The following ERC2 variants were observed in gnomAD, a reference collection of about 807,000 sequenced individuals.
The protein encoded by ERC2 is ERC protein 2.
In ERC2, 42 loss-of-function variants were observed where a neutral mutation model predicts 114.8. That is an observed-to-expected ratio of 0.37 (90% CI 0.29 to 0.47). The LOEUF is 0.47. Ranked by LOEUF, ERC2 falls within the 20% of genes least tolerant of loss-of-function variation. The pLI, the probability that ERC2 is intolerant of heterozygous loss-of-function variation, is 0.99. For missense variants in ERC2, 939 were observed against 1,150.7 expected, an observed-to-expected ratio of 0.82 and a Z score of 2.66; for synonymous variants, 454 against 425.5, an observed-to-expected ratio of 1.07 and a Z score of -0.82.
intron 2 of ERC2, among the ~76,000 whole-genome samples, chr3:56,323,619 C>T (rs1484231754): frequency 6.6e-6 from 1 of 152,132 alleles, no homozygotes; most frequent in Non-Finnish European, 1.5e-5. Flanking sequence ...AAGTTTGGGG[C>T]TGATTATTAC....
chr3:56,179,281 A>G (rs1366787937), intron 3 of ERC2, among the ~76,000 whole-genome samples: 2 of 152,068 alleles, frequency 1.3e-5, no homozygotes, highest in African/African-American at 4.8e-5. Flanking sequence ...GGATGGGGTA[A>G]GTAGAAAGCC....
intron 13 of ERC2, among the ~76,000 whole-genome samples, chr3:55,899,477 A>G (rs2149341580): frequency 6.6e-6 from 1 of 152,288 alleles, no homozygotes; most frequent in East Asian, 1.9e-4. Flanking sequence ...AATTAGTTAC[A>G]AAAATTATGG....
At chr3:55,899,573 G>A (rs1350387932) in intron 13 of ERC2, among the ~76,000 whole-genome samples, 1 of 152,002 alleles carries the variant, frequency 6.6e-6, no homozygotes, top group African/African-American at 2.4e-5. Context: ...ATAAATTATG[G>A]GCACCCAATT....
At chr3:55,931,002 G>C (rs2066046733) in intron 13 of ERC2, among the ~76,000 whole-genome samples, 1 of 152,102 alleles carries the variant, frequency 6.6e-6, no homozygotes, top group Admixed American at 6.6e-5. Context: ...TATTAAAAAA[G>C]GCTTATCATC....
At chr3:56,387,774 T>A (rs2059987167) in intron 2 of ERC2, among the ~76,000 whole-genome samples, 1 of 152,158 alleles carries the variant, frequency 6.6e-6, no homozygotes, top group South Asian at 2.1e-4. Context: ...CCTTGCAAGA[T>A]GCGTATGACC....
intron 3 of ERC2, among the ~76,000 whole-genome samples, chr3:56,212,719 C>A (rs1371493587): frequency 6.6e-6 from 1 of 151,900 alleles, no homozygotes; most frequent in Admixed American, 6.6e-5. Flanking sequence ...CATCAATCAA[C>A]AAGTGGATAC....
chr3:55,973,945 T>C (rs1355762706), intron 12 of ERC2, among the ~76,000 whole-genome samples: 3 of 152,170 alleles, frequency 2.0e-5, no homozygotes, highest in Non-Finnish European at 4.4e-5. Context: ...TACCCAAACA[T>C]TTTAATTTTA....
At chr3:55,803,486 A>C (rs2059381017) in intron 14 of ERC2, among the ~76,000 whole-genome samples, 2 of 151,836 alleles carry the variant, frequency 1.3e-5, no homozygotes, top group South Asian at 4.1e-4. Context: ...TGCTCAAATC[A>C]AGGGCATTTC....
At chr3:56,090,778 T>G (rs2077745402) in intron 6 of ERC2, among the ~76,000 whole-genome samples, 1 of 130,486 alleles carries the variant, frequency 7.7e-6, no homozygotes, top group African/African-American at 2.8e-5. Flanking sequence ...TTTTCAATGC[T>G]CCCTGGCTCC....
At chr3:55,991,439 T>C (rs1457106831) in intron 11 of ERC2, among the ~76,000 whole-genome samples, 2 of 152,252 alleles carry the variant, frequency 1.3e-5, no homozygotes, top group Non-Finnish European at 2.9e-5. Context: ...AATACGGATA[T>C]GATTTATCTG....
intron 2 of ERC2, among the ~76,000 whole-genome samples, chr3:56,396,170 T>A (rs568635596): frequency 6.6e-6 from 1 of 152,224 alleles, no homozygotes; most frequent in Non-Finnish European, 1.5e-5. Flanking sequence ...CATGTTCATA[T>A]CCTTTTACTT....
At chr3:55,973,596 C>T (rs920234106) in intron 12 of ERC2, among the ~76,000 whole-genome samples, 2 of 152,210 alleles carry the variant, frequency 1.3e-5, no homozygotes, top group Non-Finnish European at 2.9e-5. Flanking sequence ...CCAGAGTGAC[C>T]TTGAGCAGAT....
chr3:55,857,409 T>C (rs928064340), intron 14 of ERC2, among the ~76,000 whole-genome samples: 2 of 152,176 alleles, frequency 1.3e-5, no homozygotes, highest in African/African-American at 4.8e-5. Flanking sequence ...TTTTTAATTG[T>C]GGCAAATAGA....
chr3:55,774,302 T>A (rs541771055), intron 14 of ERC2, among the ~76,000 whole-genome samples: 14 of 152,330 alleles, frequency 9.2e-5, no homozygotes, highest in African/African-American at 3.4e-4. Flanking sequence ...TCGGTTCAAC[T>A]AACAAGCTAA....
rs1361573978 is a variant in ERC2 at position 56,209,164 on chromosome 3, A to G, written c.1075-35644T>C. Among the ~76,000 whole-genome samples, 3 of 151,944 alleles carry G rather than the reference A, an allele frequency of 2.0e-5. No homozygotes were observed. In the East Asian group the frequency reaches 5.8e-4, roughly 29 times the overall value. On this transcript the variant is annotated intron_variant, in intron 3 of 17. Coordinates refer to ENST00000288221, the MANE Select transcript of ERC2 (RefSeq NM_015576.3). ...TTCACACCACCCCCTTTTTCTCACT[A>G]GTTTCAGATCACTGCTGATTTCAGT...
chr3:55,589,405 G>T (rs945488885), intron 17 of ERC2, among the ~76,000 whole-genome samples: 1 of 152,074 alleles, frequency 6.6e-6, no homozygotes, highest in Non-Finnish European at 1.5e-5. Context: ...GACACGTGAC[G>T]GTCATTTGGC....
intron 17 of ERC2, among the ~76,000 whole-genome samples, chr3:55,574,053 C>T (rs1320192120): frequency 6.6e-6 from 1 of 152,158 alleles, no homozygotes; most frequent in Non-Finnish European, 1.5e-5. Flanking sequence ...GTAATCATAG[C>T]AGTTATTGCT....
At chr3:55,827,500 C>T (rs897751103) in intron 14 of ERC2, among the ~76,000 whole-genome samples, 1 of 152,050 alleles carries the variant, frequency 6.6e-6, no homozygotes, top group Non-Finnish European at 1.5e-5. Context: ...TCATAATCAA[C>T]CCCTACCTTG....
chr3:56,364,986 G>A (rs1336869102), intron 2 of ERC2, among the ~76,000 whole-genome samples: 1 of 152,142 alleles, frequency 6.6e-6, no homozygotes, highest in African/African-American at 2.4e-5. Context: ...CATAGCCTAT[G>A]TTTCCTCATC....
Sources: gnomAD v4.1 joint callset for allele counts (sites outside exome capture counted in the v4.1 genomes callset) on GRCh38, gnomAD v4.1.1 for gene constraint, MANE v1.5 for transcripts, NCBI Gene and HGNC (gene_info 2026-07-23, HGNC 2026-07-21) for gene names.